The following NIBAN1 variants were observed in gnomAD, a reference collection of about 807,000 sequenced individuals.
NIBAN1 encodes protein Niban 1.
NIBAN1 carries 81 observed loss-of-function variants against 75.1 expected under a neutral mutation model. The ratio of observed to expected loss-of-function variants is 1.08; its 90% CI spans 0.90 to 1.30. The LOEUF (loss-of-function observed/expected upper bound fraction) is 1.30, where lower values mean the gene tolerates loss of function less well. Ranked by LOEUF, NIBAN1 falls within the 50% of genes most tolerant of loss-of-function variation. The probability of loss-of-function intolerance (pLI) is 0.00; values close to 1 mark genes in which losing one functional copy is unlikely to be tolerated. For missense variants in NIBAN1, 1,133 were observed against 1,128.1 expected (o/e 1.00, Z -0.06); for synonymous variants, 436 against 424.8 (o/e 1.03, Z -0.32).
intron 1 of NIBAN1, among the ~76,000 whole-genome samples, chr1:184,922,265 T>G (rs962856925): frequency 2.0e-5 from 3 of 152,118 alleles, no homozygotes; most frequent in African/African-American, 4.8e-5. Flanking sequence ...CATTTATACT[T>G]AGTTATTTTT....
At position 184,858,917 on chromosome 1, in the gene NIBAN1, G is replaced by C. The variant is rs561111936; in HGVS notation, c.601+25716C>G. On this transcript the variant is annotated intron_variant, in intron 5 of 13. Coordinates refer to ENST00000367511, the MANE Select transcript of NIBAN1 (RefSeq NM_052966.4). ...ATGAGACCCTGTTGAGTGAAAAAAA[G>C]AAAAATAGAGAAAAGTGTATCACAT... is the stretch of plus-strand genomic sequence containing the variant. 2.6e-5 allele frequency among the ~76,000 whole-genome samples: 4 copies of C among 151,730 alleles called. 1 individual carries two copies. In the South Asian group the frequency reaches 8.3e-4, roughly 32 times the overall value.
intron 5 of NIBAN1, among the ~76,000 whole-genome samples, chr1:184,853,940 A>C (rs1655610547): frequency 6.6e-6 from 1 of 152,242 alleles, no homozygotes; most frequent in Non-Finnish European, 1.5e-5. Flanking sequence ...ATATAATGAA[A>C]GCCATGTATG....
At chr1:184,824,481 C>T (rs533939278) in intron 6 of NIBAN1, among the ~76,000 whole-genome samples, 3 of 151,984 alleles carry the variant, frequency 2.0e-5, no homozygotes, top group East Asian at 1.9e-4. Flanking sequence ...AGAACCCAAG[C>T]CCCAAAAGGC....
At chr1:184,879,990 A>G (rs1295793482) in intron 5 of NIBAN1, among the ~76,000 whole-genome samples, 1 of 152,200 alleles carries the variant, frequency 6.6e-6, no homozygotes, top group Non-Finnish European at 1.5e-5. Context: ...ACCCGTGTGC[A>G]CACATGCTTC....
chr1:184,903,445 C>T (rs112636935), intron 1 of NIBAN1, among the ~76,000 whole-genome samples: 8,663 of 152,162 alleles, frequency 0.057, 286 homozygotes, highest in Middle Eastern at 0.085. Flanking sequence ...GGAGGTGTGG[C>T]CTGGTGGGAG....
At chr1:184,798,314 G>C (rs1653933935) in intron 12 of NIBAN1, 124 bp from the exon 13 acceptor site, 1 of 573,126 alleles carries the variant, frequency 1.7e-6, no homozygotes. Flanking sequence ...GAAGGACCAT[G>C]TTGGCCCAGG....
chr1:184,840,560 A>G (rs954079704), intron 5 of NIBAN1, among the ~76,000 whole-genome samples: 2 of 152,106 alleles, frequency 1.3e-5, no homozygotes, highest in African/African-American at 4.8e-5. Flanking sequence ...AGAGAAAAAT[A>G]CTGCCTACCT....
intron 9 of NIBAN1, among the ~76,000 whole-genome samples, chr1:184,817,488 G>A (rs1371016778): frequency 3.3e-5 from 5 of 152,084 alleles, no homozygotes; most frequent in South Asian, 4.1e-4. Context: ...CACTCCCGCC[G>A]ACAGTGTAAA....
intron 9 of NIBAN1, among the ~76,000 whole-genome samples, chr1:184,817,485 G>C (rs370582661): frequency 6.6e-6 from 1 of 151,500 alleles, no homozygotes; most frequent in African/African-American, 2.4e-5. Context: ...TTACACTCCC[G>C]CCGACAGTGT....
intron 4 of NIBAN1, 138 bp downstream of exon 4, chr1:184,889,970 T>A: frequency 1.5e-6 from 1 of 671,428 alleles, no homozygotes; most frequent in Non-Finnish European, 2.6e-6. Flanking sequence ...CCGATTCCAA[T>A]TGTGACAAAC....
intron 12 of NIBAN1, among the ~76,000 whole-genome samples, chr1:184,801,557 C>T (rs953892349): frequency 6.6e-6 from 1 of 152,134 alleles, no homozygotes; most frequent in Non-Finnish European, 1.5e-5. Flanking sequence ...GGCATTCATC[C>T]CTCAGGACTG....
intron 6 of NIBAN1, among the ~76,000 whole-genome samples, chr1:184,825,120 T>A (rs1215965935): frequency 6.6e-6 from 1 of 152,220 alleles, no homozygotes; most frequent in Non-Finnish European, 1.5e-5. Flanking sequence ...ACAACAGCAG[T>A]TCCTTTTTTA....
chr1:184,910,426 A>G (rs1657210757), intron 1 of NIBAN1, among the ~76,000 whole-genome samples: 1 of 152,168 alleles, frequency 6.6e-6, no homozygotes, highest in Non-Finnish European at 1.5e-5. Context: ...CAAGAAATTA[A>G]TTGATCCAAG....
chr1:184,801,817 G>A (rs1654050208), intron 12 of NIBAN1, among the ~76,000 whole-genome samples: 1 of 152,174 alleles, frequency 6.6e-6, no homozygotes, highest in African/African-American at 2.4e-5. Context: ...TTTTCAACCA[G>A]CTAAATAATT....
intron 1 of NIBAN1, among the ~76,000 whole-genome samples, chr1:184,911,691 G>A (rs1657245634): frequency 6.6e-6 from 1 of 152,144 alleles, no homozygotes; most frequent in Non-Finnish European, 1.5e-5. Context: ...CATCTGCATG[G>A]TATTTAAAAA....
Position 184,845,939 on chromosome 1 carries a change from G to C in NIBAN1, c.602-13977C>G, listed in dbSNP as rs1351227721. Reference sequence around the variant, plus strand: ...ACCAGCTTAAGAAACGGCGCACCACGAGACTATATCCCACACCTGGCTCAG... The same window carrying C: ...ACCAGCTTAAGAAACGGCGCACCACCAGACTATATCCCACACCTGGCTCAG... On this transcript the variant is annotated intron_variant, in intron 5 of 13. Coordinates refer to ENST00000367511, the MANE Select transcript of NIBAN1 (RefSeq NM_052966.4). Among the ~76,000 whole-genome samples, 3 of 80,652 alleles carry C rather than the reference G, an allele frequency of 3.7e-5. 1 individual carries two copies. The highest frequency in any genetic ancestry group is 7.4e-5 in the Non-Finnish European group (3 of 40,418). 52.9% of individuals were successfully genotyped at this position (80,652 alleles called of 152,430 possible). A position where few individuals can be genotyped will look rare whatever the true frequency, so the allele number is the denominator to read the frequency against.
chr1:184,941,820 A>G (rs1658095989), intron 1 of NIBAN1, among the ~76,000 whole-genome samples: 1 of 152,168 alleles, frequency 6.6e-6, no homozygotes, highest in African/African-American at 2.4e-5. Context: ...CTAAGTAATA[A>G]CACAGATTGA....
chr1:184,832,252 C>T (rs1293207985), intron 5 of NIBAN1, among the ~76,000 whole-genome samples: 3 of 152,150 alleles, frequency 2.0e-5, no homozygotes, highest in Admixed American at 2.0e-4. Context: ...CTCCCCTATC[C>T]ACCCACAGGC....
At chr1:184,827,704 C>G (rs1442509167) in intron 6 of NIBAN1, among the ~76,000 whole-genome samples, 3 of 151,978 alleles carry the variant, frequency 2.0e-5, no homozygotes, top group Admixed American at 2.0e-4. Flanking sequence ...AACCCGGGAT[C>G]GCCCCTTGAA....
Sources: allele counts gnomAD v4.1 joint callset (sites outside exome capture counted in the v4.1 genomes callset), GRCh38; gene constraint gnomAD v4.1.1; transcripts MANE v1.5; gene names NCBI Gene and HGNC (gene_info 2026-07-23, HGNC 2026-07-21).